GRIA3: variants seen among roughly 807,000 people sequenced by gnomAD.
GRIA3 encodes the protein glutamate ionotropic receptor AMPA type subunit 3.
A neutral mutation model predicts 63.0 loss-of-function variants in GRIA3; 3 were observed. That is an observed-to-expected ratio of 0.05 (90% CI 0.02 to 0.12). The LOEUF (loss-of-function observed/expected upper bound fraction) is 0.12. Among genes scored for constraint, GRIA3 ranks in the 10% least tolerant of loss-of-function variants. GRIA3 has a pLI of 1.00. For missense variants in GRIA3, 347 were observed against 700.9 expected, an observed-to-expected ratio of 0.50 and a Z score of 5.70; for synonymous variants, 274 against 257.9, an observed-to-expected ratio of 1.06 and a Z score of -0.60.
At chrX:123,223,075 C>T (rs1161091469) in intron 2 of GRIA3, among the ~76,000 whole-genome samples, 1 of 112,608 alleles carries the variant, frequency 8.9e-6, no homozygotes, top group Non-Finnish European at 1.9e-5. Context: ...GCCCTGCTTC[C>T]AGGCGGGAAA....
rs781779962 is a variant in GRIA3 at position 123,489,013 on chromosome X, T to C, written c.*303T>C. The C allele has an allele frequency of 1.6e-3, 180 of 109,093 alleles. 1 individual carries two copies. The highest frequency in any genetic ancestry group is 2.5e-3 in the Non-Finnish European group (133 of 52,446). The allele number at this position is 109,093 out of a possible 1,213,427, so 9.0% of individuals were successfully genotyped here. A position where few individuals can be genotyped will look rare whatever the true frequency, so the allele number is the denominator to read the frequency against. On this transcript the variant is annotated 3_prime_UTR_variant, in exon 16 of 16. Transcript: ENST00000620443. ...GATTCCAGTATGCGAAAAAAAATCTTATTAAGTCAATTCAACAAAAGCCAT... is the reference window on the plus strand; with the variant it reads ...GATTCCAGTATGCGAAAAAAAATCTCATTAAGTCAATTCAACAAAAGCCAT...
intron 3 of GRIA3, among the ~76,000 whole-genome samples, chrX:123,292,492 T>TC (rs1160589463): frequency 9.2e-6 from 1 of 109,248 alleles, no homozygotes; most frequent in African/African-American, 3.3e-5. Context: ...TTTGAAGACC[T>TC]CCCCCCACCC....
chrX:123,390,982 T>C (rs1443282689), intron 5 of GRIA3, among the ~76,000 whole-genome samples: 1 of 111,291 alleles, frequency 9.0e-6, no homozygotes, highest in African/African-American at 3.3e-5. Context: ...AATTTCTATG[T>C]GTTTTTCTTT....
intron 2 of GRIA3, among the ~76,000 whole-genome samples, chrX:123,186,870 G>C (rs1424724137): frequency 1.8e-5 from 2 of 111,938 alleles, no homozygotes; most frequent in African/African-American, 6.5e-5. Flanking sequence ...GTTGTACCGG[G>C]TGATTATTCC....
chrX:123,423,397 A>T (rs2045573147), intron 11 of GRIA3, among the ~76,000 whole-genome samples: 1 of 112,352 alleles, frequency 8.9e-6, no homozygotes, highest in African/African-American at 3.2e-5. Context: ...GCTATATTTT[A>T]AGCATACCCT....
intron 3 of GRIA3, among the ~76,000 whole-genome samples, chrX:123,256,502 G>A (rs766153287): frequency 1.5e-4 from 17 of 111,599 alleles, no homozygotes; most frequent in African/African-American, 5.2e-4. Flanking sequence ...GTGAAGAGTA[G>A]AGGGAAATAG....
chrX:123,318,371 GCAT>G (rs2044846569), intron 3 of GRIA3, among the ~76,000 whole-genome samples: 1 of 112,043 alleles, frequency 8.9e-6, no homozygotes, highest in South Asian at 3.7e-4. Context: ...CTTGTCTACT[GCAT>G]CGTCAGGCTG....
At chrX:123,355,034 G>A (rs1323642497) in intron 5 of GRIA3, 71 bp downstream of exon 5, 1 of 770,817 alleles carries the variant, frequency 1.3e-6, no homozygotes. Context: ...CATCCAAAAA[G>A]GAAATACATC....
chrX:123,390,643 A>T (rs2045381314), intron 5 of GRIA3, among the ~76,000 whole-genome samples: 1 of 111,851 alleles, frequency 8.9e-6, no homozygotes, highest in African/African-American at 3.2e-5. Context: ...AGATTTAGGG[A>T]TCTCTGAGCT....
chrX:123,404,634 A>G, intron 9 of GRIA3, 74 bp from the exon 10 acceptor site: 1 of 778,149 alleles, frequency 1.3e-6, no homozygotes. Flanking sequence ...CACAGAGGGG[A>G]AAAATTATTG....
At chrX:123,251,421 T>C (rs1472445224) in intron 2 of GRIA3, among the ~76,000 whole-genome samples, 3 of 111,594 alleles carry the variant, frequency 2.7e-5, no homozygotes, top group Non-Finnish European at 5.6e-5. Context: ...GTTGGATTTT[T>C]CCTTTTATTT....
intron 3 of GRIA3, among the ~76,000 whole-genome samples, chrX:123,276,769 C>G (rs2044556856): frequency 1.8e-5 from 2 of 111,493 alleles, no homozygotes; most frequent in Non-Finnish European, 3.8e-5. Flanking sequence ...AGAACTTTTC[C>G]TAAAGTATGT....
chrX:123,363,879 A>C, intron 5 of GRIA3, among the ~76,000 whole-genome samples: 1 of 112,321 alleles, frequency 8.9e-6, no homozygotes, highest in Non-Finnish European at 1.9e-5. Flanking sequence ...AAGTGTACAG[A>C]AAACTTAGAA....
chrX:123,413,555 AAAAAAAAAAAAAAAAC>A, intron 10 of GRIA3, among the ~76,000 whole-genome samples: 1 of 96,846 alleles, frequency 1.0e-5, no homozygotes, highest in African/African-American at 4.1e-5. Context: ...AAAAAAAAAA[AAAAAAAAAAAAAAAAC>A]ACTCTGCTAG....
chrX:123,249,483 C>A (rs1181164923), intron 2 of GRIA3, among the ~76,000 whole-genome samples: 1 of 111,302 alleles, frequency 9.0e-6, no homozygotes, highest in Non-Finnish European at 1.9e-5. Flanking sequence ...GTCCCCCATG[C>A]CCCAGCTTCT....
At chrX:123,373,408 A>G (rs992597499) in intron 5 of GRIA3, among the ~76,000 whole-genome samples, 2 of 111,734 alleles carry the variant, frequency 1.8e-5, no homozygotes, top group African/African-American at 6.5e-5. Flanking sequence ...GTCAAATGGT[A>G]TTTCTAGTTC....
chrX:123,270,348 AT>A (rs2044513560), intron 3 of GRIA3, among the ~76,000 whole-genome samples: 1 of 112,220 alleles, frequency 8.9e-6, no homozygotes, highest in South Asian at 3.7e-4. Context: ...ATATTTGGTT[AT>A]TTTGTGGGAG....
intron 12 of GRIA3, among the ~76,000 whole-genome samples, chrX:123,447,240 G>A (rs1344817168): frequency 2.7e-5 from 3 of 110,915 alleles, no homozygotes; most frequent in African/African-American, 3.3e-5. Context: ...AAAATTAGCC[G>A]GGCATGGTGG....
At chrX:123,302,055 C>T (rs772354658) in intron 3 of GRIA3, among the ~76,000 whole-genome samples, 10 of 112,048 alleles carry the variant, frequency 8.9e-5, no homozygotes, top group East Asian at 2.8e-4. Flanking sequence ...CTAGAATAAA[C>T]GTATCTGGCC....
Sources: gnomAD v4.1 joint callset for allele counts (sites outside exome capture counted in the v4.1 genomes callset) on GRCh38, gnomAD v4.1.1 for gene constraint, MANE v1.5 for transcripts, NCBI Gene and HGNC (gene_info 2026-07-23, HGNC 2026-07-21) for gene names.